The following KLHL1 variants were observed in gnomAD, a reference collection of about 807,000 sequenced individuals.
The protein encoded by KLHL1 is kelch like family member 1.
Under a neutral mutation model 77.7 loss-of-function variants are expected in KLHL1, and 47 were observed. The observed-to-expected ratio is 0.60, with a 90% CI of 0.48 to 0.77. KLHL1 has a LOEUF of 0.77. Ranked by LOEUF, KLHL1 falls within the 30% of genes least tolerant of loss-of-function variation. The pLI, the probability that KLHL1 is intolerant of heterozygous loss-of-function variation, is 0.00. For synonymous variants in KLHL1, 360 were observed against 325.2 expected (o/e 1.11, Z -1.15); for missense variants, 925 against 910.8 (o/e 1.02, Z -0.20).
intron 1 of KLHL1, among the ~76,000 whole-genome samples, chr13:70,010,586 A>C (rs1341716585): frequency 6.6e-6 from 1 of 152,090 alleles, no homozygotes; most frequent in African/African-American, 2.4e-5. Flanking sequence ...AAATAGGAGA[A>C]GTAGTTATAT....
At chr13:69,714,722 T>C (rs1283985897) in intron 9 of KLHL1, among the ~76,000 whole-genome samples, 1 of 151,842 alleles carries the variant, frequency 6.6e-6, no homozygotes, top group Non-Finnish European at 1.5e-5. Context: ...GCCTCCCAAG[T>C]AGCTGAGGCC....
intron 6 of KLHL1, among the ~76,000 whole-genome samples, chr13:69,812,286 G>A (rs1013000827): frequency 6.6e-6 from 1 of 151,704 alleles, no homozygotes; most frequent in African/African-American, 2.4e-5. Context: ...TATAATTTCT[G>A]TTATTTTACT....
chr13:69,909,066 T>A (rs989613060), intron 4 of KLHL1, among the ~76,000 whole-genome samples: 1 of 149,688 alleles, frequency 6.7e-6, no homozygotes, highest in Non-Finnish European at 1.5e-5. Context: ...TTAGTATACA[T>A]GTATATAGTA....
chr13:69,859,370 A>G (rs1880048288), intron 5 of KLHL1, among the ~76,000 whole-genome samples: 1 of 151,822 alleles, frequency 6.6e-6, no homozygotes, highest in Non-Finnish European at 1.5e-5. Flanking sequence ...TGGGAATTAT[A>G]AGCAGAAGGT....
chr13:69,830,630 C>G (rs1295230169), intron 6 of KLHL1, among the ~76,000 whole-genome samples: 1 of 150,220 alleles, frequency 6.7e-6, no homozygotes, highest in East Asian at 1.9e-4. Flanking sequence ...TTCTACCCAA[C>G]AGCTGCAGAA....
chr13:70,060,228 C>T (rs964123707), intron 1 of KLHL1, among the ~76,000 whole-genome samples: 18 of 152,244 alleles, frequency 1.2e-4, no homozygotes, highest in South Asian at 8.3e-4. Flanking sequence ...CATCTCTCCC[C>T]AGTTAAAATG....
At chr13:69,940,924 A>G (rs927476258) in intron 3 of KLHL1, among the ~76,000 whole-genome samples, 6 of 151,606 alleles carry the variant, frequency 4.0e-5, no homozygotes, top group African/African-American at 1.5e-4. Flanking sequence ...AGTTTTATGG[A>G]CTTAACTATC....
At position 69,727,300 on chromosome 13, in the gene KLHL1, G is replaced by C. The variant is rs968005637; in HGVS notation, c.1803-7719C>G. ...TCTTGCCACACAGATCTTGCACATA[G>C]AGAGCTAGACTTGGGTTTGTTTATC... On this transcript the variant is annotated intron_variant, in intron 8 of 10. Transcript: ENST00000377844. Among the ~76,000 whole-genome samples, 7 of 152,240 alleles carry C rather than the reference G, an allele frequency of 4.6e-5. No homozygotes were observed. In the East Asian group the frequency reaches 1.4e-3, roughly 29 times the overall value.
chr13:69,735,247 T>A (rs1873714321), intron 8 of KLHL1, among the ~76,000 whole-genome samples: 1 of 151,654 alleles, frequency 6.6e-6, no homozygotes, highest in Non-Finnish European at 1.5e-5. Flanking sequence ...TTAATCAATA[T>A]ATGTATCTCA....
rs1162977125 is a variant in KLHL1 at position 69,701,533 on chromosome 13, G to A, written c.*169C>T. On this transcript the variant is annotated 3_prime_UTR_variant, in exon 11 of 11. Coordinates refer to ENST00000377844, the MANE Select transcript of KLHL1 (RefSeq NM_020866.3). ...TCCTGTATAAGTTTAATGTTTTCTT[G>A]TTTCCTACTATTCTGTTTGATCTAC... is the stretch of plus-strand genomic sequence containing the variant. 1 of 554,362 alleles carries A rather than the reference G, an allele frequency of 1.8e-6. No individual in the cohort carries two copies. The highest frequency in any genetic ancestry group is 2.0e-5 in the African/African-American group (1 of 50,284). 34.3% of individuals were successfully genotyped at this position (554,362 alleles called of 1,614,324 possible). A position where few individuals can be genotyped will look rare whatever the true frequency, so the allele number is the denominator to read the frequency against.
rs570993444 is a variant in KLHL1 at position 69,792,656 on chromosome 13, C to T, written c.1639+4082G>A. Among the ~76,000 whole-genome samples the T allele has an allele frequency of 7.6e-4, 115 of 152,128 alleles. 1 individual carries two copies. The highest frequency in any genetic ancestry group is 1.3e-3 in the Non-Finnish European group (90 of 67,992). On this transcript the variant is annotated intron_variant, in intron 7 of 10. Transcript: ENST00000377844. Reference sequence around the variant, plus strand: ...GAAACAAATGTCCTTCTATTGATGACGTATTAACAAATGTGGTAAAGCTTA... The same window carrying T: ...GAAACAAATGTCCTTCTATTGATGATGTATTAACAAATGTGGTAAAGCTTA...
At chr13:69,928,793 T>C (rs910302747) in intron 4 of KLHL1, among the ~76,000 whole-genome samples, 2 of 152,100 alleles carry the variant, frequency 1.3e-5, no homozygotes, top group African/African-American at 4.8e-5. Context: ...TAGGTAGAGG[T>C]ATCTTGGCGA....
At chr13:69,975,488 C>T in intron 2 of KLHL1, 132 bp downstream of exon 2, 1 of 764,536 alleles carries the variant, frequency 1.3e-6, no homozygotes, top group Non-Finnish European at 2.0e-6. Flanking sequence ...AAACAAACAA[C>T]AACAACAACA....
chr13:69,863,928 A>G (rs1880269821), intron 5 of KLHL1, among the ~76,000 whole-genome samples: 1 of 151,952 alleles, frequency 6.6e-6, no homozygotes. Flanking sequence ...TATGTATTGT[A>G]CATAATAAGC....
At chr13:70,051,134 A>G (rs541900216) in intron 1 of KLHL1, among the ~76,000 whole-genome samples, 2 of 152,144 alleles carry the variant, frequency 1.3e-5, no homozygotes, top group East Asian at 3.9e-4. Context: ...AGATTACTCT[A>G]CAAAATATTC....
intron 7 of KLHL1, among the ~76,000 whole-genome samples, chr13:69,741,703 G>A (rs1461593770): frequency 1.3e-5 from 2 of 152,082 alleles, no homozygotes; most frequent in African/African-American, 4.8e-5. Flanking sequence ...ATTTACTTTA[G>A]AAAACTTATA....
chr13:69,971,450 A>G (rs1011812559), intron 2 of KLHL1, among the ~76,000 whole-genome samples: 4 of 151,986 alleles, frequency 2.6e-5, no homozygotes, highest in African/African-American at 7.2e-5. Flanking sequence ...TCCTATTTTT[A>G]TGGTTTAATT....
chr13:69,884,619 T>A (rs1881125826), intron 4 of KLHL1, among the ~76,000 whole-genome samples: 1 of 152,120 alleles, frequency 6.6e-6, no homozygotes, highest in East Asian at 1.9e-4. Flanking sequence ...CCTAGTGGTA[T>A]CTGTCATAAA....
chr13:69,961,142 T>C (rs1224343213), intron 3 of KLHL1, among the ~76,000 whole-genome samples, 166 bp downstream of exon 3: 1 of 152,080 alleles, frequency 6.6e-6, no homozygotes, highest in African/African-American at 2.4e-5. Flanking sequence ...TATATACATT[T>C]GTAATTTCAG....
Sources: gnomAD v4.1 joint callset for allele counts (sites outside exome capture counted in the v4.1 genomes callset) on GRCh38, gnomAD v4.1.1 for gene constraint, MANE v1.5 for transcripts, NCBI Gene and HGNC (gene_info 2026-07-23, HGNC 2026-07-21) for gene names.